The following PCDHGA1 variants were observed in gnomAD, a reference collection of about 807,000 sequenced individuals.
PCDHGA1 encodes the protein protocadherin gamma subfamily A, 1.
A neutral mutation model predicts 58.0 loss-of-function variants in PCDHGA1; 32 were observed. The observed-to-expected ratio is 0.55, with a 90% CI of 0.42 to 0.74. The LOEUF is 0.74. Among genes scored for constraint, PCDHGA1 ranks in the 30% least tolerant of loss-of-function variants. The probability of loss-of-function intolerance (pLI) is 0.00; values close to 1 mark genes in which losing one functional copy is unlikely to be tolerated. For missense variants in PCDHGA1, 1,205 were observed against 1,182.3 expected (o/e 1.02, Z -0.28); for synonymous variants, 498 against 501.1 (o/e 0.99, Z 0.08).
At chr5:141,418,163 T>G in intron 1 of PCDHGA1, 1 of 1,614,002 alleles carries the variant, frequency 6.2e-7, no homozygotes, top group Non-Finnish European at 8.5e-7. Context: ...GAGAAGAAGA[T>G]GTGAGTTGCA....
intron 3 of PCDHGA1, among the ~76,000 whole-genome samples, chr5:141,509,622 T>C (rs2099877603): frequency 6.6e-6 from 1 of 152,186 alleles, no homozygotes; most frequent in Non-Finnish European, 1.5e-5. Flanking sequence ...AACAAGTTCC[T>C]GGGTGATGCT....
chr5:141,505,592 A>T, intron 3 of PCDHGA1, 111 bp downstream of exon 3: 2 of 1,567,266 alleles, frequency 1.3e-6, no homozygotes, highest in Admixed American at 3.6e-5. Flanking sequence ...GTTTCTCCAG[A>T]TCTTTCGGCA....
intron 1 of PCDHGA1, chr5:141,351,145 C>T (rs2149761070): frequency 6.2e-7 from 1 of 1,613,972 alleles, no homozygotes; most frequent in Non-Finnish European, 8.5e-7. Flanking sequence ...CAAATACTGG[C>T]GACATCACAA....
Position 141,490,271 on chromosome 5 carries a change from A to G in PCDHGA1, c.2422-4536A>G, listed in dbSNP as rs750463186. 6.8e-6 allele frequency: 11 copies of G among 1,614,246 alleles called. No homozygotes were observed. Among genetic ancestry groups the G allele is most frequent in the Non-Finnish European group, 8.5e-6 (10 of 1,180,054 alleles). On this transcript the variant is annotated intron_variant, in intron 1 of 3. Coordinates refer to ENST00000517417, the MANE Select transcript of PCDHGA1 (RefSeq NM_018912.3). The surrounding 1 kb of genome is among the most constrained non-coding windows in gnomAD (Gnocchi z 5.4). The stretch of plus-strand genomic sequence containing the variant: ...ATTCAAGTGGATGTGGGGGATGTCA[A>G]TGACAATGCCCCAGAGGTGCTATTG...
In PCDHGA1 at chr5:141,408,733, T is replaced by C. The variant is rs753545231; in HGVS notation, c.2421+75628T>C. The C allele has an allele frequency of 7.5e-6, 12 of 1,610,158 alleles. No individual in the cohort carries two copies. The South Asian group carries it at 1.3e-4, about 18-fold the overall frequency. Reference sequence around the variant, plus strand: ...ATTATAAGATAAACTCTAATCCTTATTTTTCATTAATGGTTAGAGTTAATT... The same window carrying C: ...ATTATAAGATAAACTCTAATCCTTACTTTTCATTAATGGTTAGAGTTAATT... On this transcript the variant is annotated intron_variant, in intron 1 of 3. Transcript: ENST00000517417.
At position 141,476,409 on chromosome 5, in the gene PCDHGA1, G is replaced by A. The variant is rs1226666958; in HGVS notation, c.2422-18398G>A. The A allele has an allele frequency of 6.2e-7, 1 of 1,614,154 alleles. No homozygotes were observed. The highest frequency in any genetic ancestry group is 1.7e-5 in the Admixed American group (1 of 60,030). ...GACCGTCTGGATCGAGAGGAGCTGT[G>A]TGGGACACTGCCCTCTTGCACTGTA... is the stretch of plus-strand genomic sequence containing the variant. On this transcript the variant is annotated intron_variant, in intron 1 of 3. Coordinates refer to ENST00000517417, the MANE Select transcript of PCDHGA1 (RefSeq NM_018912.3). The surrounding 1 kb of genome is among the most constrained non-coding windows in gnomAD (Gnocchi z 7.6).
At chr5:141,473,750 G>A (rs777343462) in intron 1 of PCDHGA1, among the ~76,000 whole-genome samples, 3 of 152,192 alleles carry the variant, frequency 2.0e-5, no homozygotes, top group Non-Finnish European at 4.4e-5. Context: ...TGAGAACTTG[G>A]ATACTATGCA....
chr5:141,340,651 C>G (rs1756969460), intron 1 of PCDHGA1: 3 of 1,614,220 alleles, frequency 1.9e-6, no homozygotes, highest in South Asian at 2.2e-5. Flanking sequence ...ACAACGCGCC[C>G]GAGATCCTGT....
chr5:141,395,241 A>T (rs1398967812), intron 1 of PCDHGA1: 1 of 1,571,196 alleles, frequency 6.4e-7, no homozygotes, highest in East Asian at 2.3e-5. Context: ...TGGTCAGGTG[A>T]GTTTAGTTCT....
chr5:141,457,023 A>G (rs1339517071), intron 1 of PCDHGA1, among the ~76,000 whole-genome samples: 1 of 152,228 alleles, frequency 6.6e-6, no homozygotes, highest in Non-Finnish European at 1.5e-5. Flanking sequence ...AAAAAGTCCT[A>G]GTAGACTCAG....
chr5:141,476,584 C>T lies in PCDHGA1; in HGVS notation c.2422-18223C>T. 6.2e-7 allele frequency: 1 copy of T among 1,614,218 alleles called. No individual in the cohort carries two copies. The highest frequency in any genetic ancestry group is 8.5e-7 in the Non-Finnish European group (1 of 1,180,042). ...TGGCTCCGGGGACGCGCTTTCCGCTCGAGAGCGCGCACGATCCCGATGTGG... is the reference window on the plus strand; with the variant it reads ...TGGCTCCGGGGACGCGCTTTCCGCTTGAGAGCGCGCACGATCCCGATGTGG... On this transcript the variant is annotated intron_variant, in intron 1 of 3. Coordinates refer to ENST00000517417, the MANE Select transcript of PCDHGA1 (RefSeq NM_018912.3). The surrounding 1 kb of genome is among the most constrained non-coding windows in gnomAD (Gnocchi z 7.6).
chr5:141,355,126 CCA>C (rs1759722609), intron 1 of PCDHGA1: 1 of 1,516,434 alleles, frequency 6.6e-7, no homozygotes, highest in Non-Finnish European at 8.8e-7. Context: ...TATTTTGGAC[CCA>C]GAAGATCCTG....
In PCDHGA1 at chr5:141,489,835, C is replaced by G; in HGVS notation, c.2422-4972C>G. On this transcript the variant is annotated intron_variant, in intron 1 of 3. Transcript: ENST00000517417. This position sits in a 1 kb window ranked among gnomAD's most constrained non-coding sequence, Gnocchi z 4.5. Reference sequence around the variant, plus strand: ...ATTCCCAGAGCTGGTGCTAGAGCAGCAGCTGGATCGTGAAGCCCAGGCAAG... The same window carrying G: ...ATTCCCAGAGCTGGTGCTAGAGCAGGAGCTGGATCGTGAAGCCCAGGCAAG... The G allele has an allele frequency of 6.2e-7, 1 of 1,614,164 alleles. No homozygotes were observed. Among genetic ancestry groups the G allele is most frequent in the Non-Finnish European group, 8.5e-7 (1 of 1,179,972 alleles).
intron 2 of PCDHGA1, among the ~76,000 whole-genome samples, chr5:141,500,410 C>G (rs2099800033): frequency 6.6e-6 from 1 of 151,774 alleles, no homozygotes; most frequent in Non-Finnish European, 1.5e-5. Flanking sequence ...GGGGTTTCAC[C>G]GTGTTAGCCA....
chr5:141,405,120 A>G (rs1223444295), intron 1 of PCDHGA1: 2 of 1,613,938 alleles, frequency 1.2e-6, no homozygotes, highest in Non-Finnish European at 1.7e-6. Context: ...CACTCCTCGC[A>G]TCTGCTGCGG....
intron 1 of PCDHGA1, among the ~76,000 whole-genome samples, chr5:141,347,992 G>C (rs1230913200): frequency 1.3e-5 from 2 of 152,202 alleles, no homozygotes; most frequent in Non-Finnish European, 2.9e-5. Context: ...AAAGGAATAT[G>C]TCTCAGCCTC....
intron 1 of PCDHGA1, among the ~76,000 whole-genome samples, chr5:141,450,888 G>A (rs1038570371): frequency 6.9e-5 from 10 of 145,278 alleles, no homozygotes; most frequent in Admixed American, 4.1e-4. Context: ...GCAGTGGTGC[G>A]ATATCGGCTC....
rs752680691 is a variant in PCDHGA1, at chr5:141,433,173, G to A, written c.2422-61634G>A. Reference sequence around the variant, plus strand: ...TCGGTATTTTCTAAAGACAGTCATGGGTTAATTGAGGTGAGTTTATATCAA... The same window carrying A: ...TCGGTATTTTCTAAAGACAGTCATGAGTTAATTGAGGTGAGTTTATATCAA... On this transcript the variant is annotated intron_variant, in intron 1 of 3. Coordinates refer to ENST00000517417, the MANE Select transcript of PCDHGA1 (RefSeq NM_018912.3). 3.1e-6 allele frequency: 5 copies of A among 1,610,344 alleles called. 1 individual carries two copies. In the Middle Eastern group the frequency reaches 5.0e-4, roughly 160 times the overall value.
chr5:141,510,472 G>A (rs1209464436), intron 3 of PCDHGA1, among the ~76,000 whole-genome samples: 7 of 152,102 alleles, frequency 4.6e-5, no homozygotes, highest in Non-Finnish European at 1.0e-4. Context: ...GGAGTCAGAG[G>A]CTCCCTTGAG....
Sources: allele counts gnomAD v4.1 joint callset (sites outside exome capture counted in the v4.1 genomes callset), GRCh38; gene constraint gnomAD v4.1.1; non-coding constraint Gnocchi (gnomAD v3.1); transcripts MANE v1.5; gene names NCBI Gene and HGNC (gene_info 2026-07-23, HGNC 2026-07-21).